The following GPC5 variants were observed in gnomAD, a reference collection of about 807,000 sequenced individuals.
GPC5 encodes the protein glypican-5.
A neutral mutation model predicts 53.9 loss-of-function variants in GPC5; 47 were observed. The observed-to-expected ratio is 0.87, with a 90% CI of 0.69 to 1.11. GPC5 has a LOEUF of 1.11. Among genes scored for constraint, GPC5 ranks in the 50% most tolerant of loss-of-function variants. The probability of loss-of-function intolerance (pLI) is 0.00; values close to 1 mark genes in which losing one functional copy is unlikely to be tolerated. For missense variants in GPC5, 748 were observed against 713.1 expected (o/e 1.05, Z -0.56); for synonymous variants, 286 against 263.3 (o/e 1.09, Z -0.84).
chr13:92,859,793 G>A (rs9584070), intron 7 of GPC5, among the ~76,000 whole-genome samples: 7,709 of 152,072 alleles, frequency 0.051, 602 homozygotes, highest in African/African-American at 0.17. Context: ...CTATAAAATA[G>A]CTTAAAATAA....
intron 2 of GPC5, among the ~76,000 whole-genome samples, chr13:91,459,099 G>T (rs1296506966): frequency 6.6e-6 from 1 of 151,802 alleles, no homozygotes; most frequent in East Asian, 1.9e-4. Flanking sequence ...GACTACACTG[G>T]GTACAGTGCA....
Position 92,284,640 on chromosome 13 carries a change from A to C in GPC5, c.1561+139651A>C, listed in dbSNP as rs541500835. Among the ~76,000 whole-genome samples, 1,430 of 152,228 alleles carry C rather than the reference A, an allele frequency of 9.4e-3. 17 individuals are homozygous for C. The highest frequency in any genetic ancestry group is 0.032 in the African/African-American group (1,347 of 41,520). On this transcript the variant is annotated intron_variant, in intron 7 of 7. Coordinates refer to ENST00000377067, the MANE Select transcript of GPC5 (RefSeq NM_004466.6). ...ATATAAACAGAACCAAAGACAAAAA[A>C]CACATGATTATCTCAATAGATGCAG...
chr13:91,469,762 C>T (rs1168835656), intron 2 of GPC5, among the ~76,000 whole-genome samples: 1 of 151,984 alleles, frequency 6.6e-6, no homozygotes, highest in Admixed American at 6.6e-5. Context: ...AAATACCTGG[C>T]TGGATGGTGG....
chr13:92,401,720 T>C (rs1229823967), intron 7 of GPC5, among the ~76,000 whole-genome samples: 1 of 152,230 alleles, frequency 6.6e-6, no homozygotes, highest in African/African-American at 2.4e-5. Context: ...TGAAAGTTGA[T>C]GTAATTATGG....
At chr13:92,677,422 A>G (rs1886981999) in intron 7 of GPC5, among the ~76,000 whole-genome samples, 1 of 152,236 alleles carries the variant, frequency 6.6e-6, no homozygotes, top group Non-Finnish European at 1.5e-5. Flanking sequence ...GGGAGAATGT[A>G]CAGTGTCAGT....
At chr13:92,003,497 ATTAGAG>A (rs2040576148) in intron 6 of GPC5, among the ~76,000 whole-genome samples, 2 of 152,160 alleles carry the variant, frequency 1.3e-5, no homozygotes, top group African/African-American at 4.8e-5. Flanking sequence ...AATTGAAAAT[ATTAGAG>A]TTAAACTCTA....
At chr13:92,801,118 ATGTG>A (rs961435121) in intron 7 of GPC5, among the ~76,000 whole-genome samples, 1 of 151,348 alleles carries the variant, frequency 6.6e-6, no homozygotes, top group Non-Finnish European at 1.5e-5. Flanking sequence ...ATGTGTGTGT[ATGTG>A]TGTGTGTAGT....
chr13:92,653,630 G>T (rs1886031883), intron 7 of GPC5, among the ~76,000 whole-genome samples: 1 of 152,172 alleles, frequency 6.6e-6, no homozygotes, highest in East Asian at 1.9e-4. Context: ...CAAGTTACAA[G>T]AAAGCTAGAT....
rs2039711317 is a variant in GPC5, at chr13:91,921,255, AC to A, written c.1401+13200del. On this transcript the variant is annotated intron_variant, in intron 6 of 7. Coordinates refer to ENST00000377067, the MANE Select transcript of GPC5 (RefSeq NM_004466.6). Reference sequence around the variant, plus strand: ...CCCGGACCAATTTTATTTTCTGTAAACCTTTTGTATAGAGCTGCTGACAAAA... The same window carrying A: ...CCCGGACCAATTTTATTTTCTGTAAACTTTTGTATAGAGCTGCTGACAAAA... Among the ~76,000 whole-genome samples the A allele has an allele frequency of 3.9e-5, 6 of 152,064 alleles. No individual in the cohort carries two copies. In the South Asian group the frequency reaches 1.2e-3, roughly 32 times the overall value.
chr13:91,732,445 G>A (rs767703649), intron 4 of GPC5, among the ~76,000 whole-genome samples: 1 of 151,130 alleles, frequency 6.6e-6, no homozygotes, highest in Non-Finnish European at 1.5e-5. Context: ...TGGGTGGATT[G>A]CAAAAATTTT....
intron 7 of GPC5, among the ~76,000 whole-genome samples, chr13:92,210,843 G>A (rs2042370019): frequency 6.6e-6 from 1 of 152,176 alleles, no homozygotes; most frequent in African/African-American, 2.4e-5. Flanking sequence ...AAAAACAGGT[G>A]TGTGTTGGCA....
intron 2 of GPC5, among the ~76,000 whole-genome samples, chr13:91,566,361 C>T (rs1371645642): frequency 6.6e-6 from 1 of 152,032 alleles, no homozygotes; most frequent in African/African-American, 2.4e-5. Context: ...GTCAAGAGAT[C>T]GAGACCATTC....
At chr13:91,639,530 C>T (rs1051603573) in intron 2 of GPC5, among the ~76,000 whole-genome samples, 6 of 152,180 alleles carry the variant, frequency 3.9e-5, no homozygotes, top group Admixed American at 3.9e-4. Context: ...TTCCTTGTTG[C>T]TCTAAATATC....
At chr13:91,785,599 T>C (rs2037865887) in intron 5 of GPC5, among the ~76,000 whole-genome samples, 1 of 152,250 alleles carries the variant, frequency 6.6e-6, no homozygotes, top group Admixed American at 6.5e-5. Flanking sequence ...TGGCTATAAA[T>C]ATCTGAAACT....
intron 7 of GPC5, among the ~76,000 whole-genome samples, chr13:92,520,045 C>T (rs185005129): frequency 6.6e-6 from 1 of 152,270 alleles, no homozygotes; most frequent in East Asian, 1.9e-4. Context: ...CAGATAAATT[C>T]CTGGACACAT....
chr13:92,123,511 A>T (rs1206304600), intron 6 of GPC5, among the ~76,000 whole-genome samples: 3 of 152,292 alleles, frequency 2.0e-5, no homozygotes, highest in Non-Finnish European at 4.4e-5. Context: ...CATTTATGTC[A>T]CCTTAGATTA....
At chr13:91,600,744 T>G (rs936086366) in intron 2 of GPC5, among the ~76,000 whole-genome samples, 2 of 152,144 alleles carry the variant, frequency 1.3e-5, no homozygotes, top group Non-Finnish European at 2.9e-5. Flanking sequence ...ATGCATATAA[T>G]GCATCAGATT....
chr13:92,393,696 A>G (rs533605519), intron 7 of GPC5, among the ~76,000 whole-genome samples: 2 of 152,054 alleles, frequency 1.3e-5, no homozygotes, highest in South Asian at 2.1e-4. Context: ...AACAACAGAC[A>G]CTGGGTTCTA....
intron 2 of GPC5, among the ~76,000 whole-genome samples, chr13:91,466,799 A>G (rs775815697): frequency 6.6e-6 from 1 of 152,142 alleles, no homozygotes; most frequent in Non-Finnish European, 1.5e-5. Context: ...CTGATTTACA[A>G]TGTCCTCATT....
Sources: allele counts gnomAD v4.1 joint callset (sites outside exome capture counted in the v4.1 genomes callset), GRCh38; gene constraint gnomAD v4.1.1; transcripts MANE v1.5; gene names NCBI Gene and HGNC (gene_info 2026-07-23, HGNC 2026-07-21).